Variants in PPARA observed in about 807,000 individuals in gnomAD.
The protein encoded by PPARA is peroxisome proliferator-activated receptor alpha.
Under a neutral mutation model 42.2 loss-of-function variants are expected in PPARA, and 22 were observed. The observed-to-expected ratio is 0.52, with a 90% CI of 0.37 to 0.74. PPARA has a LOEUF of 0.74. Among genes scored for constraint, PPARA ranks in the 30% least tolerant of loss-of-function variants. The pLI is 0.00. For synonymous variants in PPARA, 242 were observed against 239.3 expected (o/e 1.01, Z -0.10); for missense variants, 465 against 608.2 (o/e 0.76, Z 2.48).
rs1280951549 is a variant in PPARA, at chr22:46,191,810, G to A, written c.-42-6532G>A. ...AGGCCAGGCGCGGTGGCTCATGCCT[G>A]TAATCCCAGCACTTTGGGAGGCTGA... On this transcript the variant is annotated intron_variant, in intron 3 of 8. Transcript: ENST00000407236. This position sits in a 1 kb window ranked among gnomAD's most constrained non-coding sequence, Gnocchi z 4.6. Among the ~76,000 whole-genome samples the A allele has an allele frequency of 6.6e-6, 1 of 152,208 alleles. No homozygotes were observed. Among genetic ancestry groups the A allele is most frequent in the Non-Finnish European group, 1.5e-5 (1 of 68,038 alleles).
chr22:46,181,339 C>T (rs186009892), intron 3 of PPARA, among the ~76,000 whole-genome samples: 26 of 152,178 alleles, frequency 1.7e-4, no homozygotes, highest in African/African-American at 6.3e-4. Flanking sequence ...AGAACCAGGG[C>T]ATCACATACA....
At position 46,241,117 on chromosome 22, in the gene PPARA, G is replaced by A. The variant is rs1371452213; in HGVS notation, c.*5737G>A. 1.3e-5 allele frequency: 2 copies of A among 152,264 alleles called. No individual in the cohort carries two copies. Among genetic ancestry groups the A allele is most frequent in the African/African-American group, 4.8e-5 (2 of 41,464 alleles). 9.4% of individuals were successfully genotyped at this position (152,264 alleles called of 1,614,324 possible). A position where few individuals can be genotyped will look rare whatever the true frequency, so the allele number is the denominator to read the frequency against. ...CATCCCGTGACCTTCCTGCTTCCGA[G>A]TCCATGGCCTTTGCCCAGGGCATGT... On this transcript the variant is annotated 3_prime_UTR_variant, in exon 9 of 9. Coordinates refer to ENST00000407236, the MANE Select transcript of PPARA (RefSeq NM_005036.6). This position sits in a 1 kb window ranked among gnomAD's most constrained non-coding sequence, Gnocchi z 5.7.
rs1459006092 is a variant in PPARA at position 46,162,334 on chromosome 22, C to T, written c.-127+10364C>T. Among the ~76,000 whole-genome samples the T allele has an allele frequency of 6.6e-6, 1 of 152,246 alleles. No homozygotes were observed. The highest frequency in any genetic ancestry group is 1.5e-5 in the Non-Finnish European group (1 of 68,022). On this transcript the variant is annotated intron_variant, in intron 2 of 8. Transcript: ENST00000407236. The surrounding 1 kb of genome is among the most constrained non-coding windows in gnomAD (Gnocchi z 6.0). ...GGTTGATAGGAGGGCATGGCCCTGA[C>T]ATTCCAGGGACTGACCGACACGCTG...
At chr22:46,181,924 A>G (rs534956389) in intron 3 of PPARA, among the ~76,000 whole-genome samples, 7 of 152,366 alleles carry the variant, frequency 4.6e-5, no homozygotes, top group Non-Finnish European at 1.0e-4. Context: ...GACCTGTTCT[A>G]CTTCACTGGG....
chr22:46,178,254 G>A (rs1378084953), intron 3 of PPARA, among the ~76,000 whole-genome samples: 1 of 152,246 alleles, frequency 6.6e-6, no homozygotes, highest in Non-Finnish European at 1.5e-5. Flanking sequence ...TATACTGGCT[G>A]TGGCCTTGTA....
At position 46,212,475 on chromosome 22, in the gene PPARA, T is replaced by C. The variant is rs1934035245; in HGVS notation, c.209-2698T>C. ...GAAATGGTTCTTTTTACCATTGCTA[T>C]AATTTTGCCTTTTCCAGAACGCCAT... On this transcript the variant is annotated intron_variant, in intron 4 of 8. Transcript: ENST00000407236. This position sits in a 1 kb window ranked among gnomAD's most constrained non-coding sequence, Gnocchi z 4.2. Among the ~76,000 whole-genome samples, 1 of 152,234 alleles carries C rather than the reference T, an allele frequency of 6.6e-6. No individual in the cohort carries two copies. Among genetic ancestry groups the C allele is most frequent in the South Asian group, 2.1e-4 (1 of 4,828 alleles).
At chr22:46,154,407 C>G (rs1167657582) in intron 2 of PPARA, among the ~76,000 whole-genome samples, 1 of 152,072 alleles carries the variant, frequency 6.6e-6, no homozygotes, top group Non-Finnish European at 1.5e-5. Flanking sequence ...TGCTTGAGCC[C>G]AGGGCTTCAA....
At chr22:46,174,583 G>A (rs919009804) in intron 2 of PPARA, among the ~76,000 whole-genome samples, 4 of 152,052 alleles carry the variant, frequency 2.6e-5, no homozygotes, top group Admixed American at 6.6e-5. Flanking sequence ...TTGGGAAGCC[G>A]AGGTGGGAGG....
chr22:46,203,444 T>C lies in PPARA; in HGVS notation c.208+4853T>C, dbSNP rs1039559964. ...CATAATTGACATACAATAAACTGCA[T>C]GTATTTAAAGTGTACAATCTGTTGG... On this transcript the variant is annotated intron_variant, in intron 4 of 8. Transcript: ENST00000407236. The surrounding 1 kb of genome is among the most constrained non-coding windows in gnomAD (Gnocchi z 5.8). Among the ~76,000 whole-genome samples, 1 of 152,188 alleles carries C rather than the reference T, an allele frequency of 6.6e-6. No homozygotes were observed. Among genetic ancestry groups the C allele is most frequent in the Non-Finnish European group, 1.5e-5 (1 of 68,040 alleles).
Position 46,238,913 on chromosome 22 carries a change from G to A in PPARA, c.*3533G>A, listed in dbSNP as rs1471490381. The A allele has an allele frequency of 1.3e-5, 2 of 152,466 alleles. No individual in the cohort carries two copies. The highest frequency in any genetic ancestry group is 4.8e-5 in the African/African-American group (2 of 41,452). The allele number at this position is 152,466 out of a possible 1,614,324, so 9.4% of individuals were successfully genotyped here. ...GGCAGGAGCGGGACTGGGAGCACGGGCTGACGGCTGCTGGTGCCTTTCTTC... is the reference window on the plus strand; with the variant it reads ...GGCAGGAGCGGGACTGGGAGCACGGACTGACGGCTGCTGGTGCCTTTCTTC... On this transcript the variant is annotated 3_prime_UTR_variant, in exon 9 of 9. Coordinates refer to ENST00000407236, the MANE Select transcript of PPARA (RefSeq NM_005036.6). This position sits in a 1 kb window ranked among gnomAD's most constrained non-coding sequence, Gnocchi z 8.3.
In PPARA at chr22:46,219,886, A is replaced by G; in HGVS notation, c.583A>G (p.Ile195Val). The G allele has an allele frequency of 6.2e-7, 1 of 1,614,250 alleles. No individual in the cohort carries two copies. Among genetic ancestry groups the G allele is most frequent in the South Asian group, 1.1e-5 (1 of 91,082 alleles). The change falls in exon 7 of 9, where the codon ATA (isoleucine) becomes GTA (valine). Residue 195 changes from isoleucine to valine, a missense_variant. Ile to Val is a conservative substitution (Grantham distance 29). This residue lies in a region of PPARA where 313 missense variants were observed against 469.1 expected (regional missense o/e 0.67). Transcript: ENST00000407236. The surrounding 1 kb of genome is among the most constrained non-coding windows in gnomAD (Gnocchi z 4.8). ...AGAAATTCTTACCTGTGAACATGACATAGAAGATTCTGAAACTGCAGATCT... is the reference window on the plus strand; with the variant it reads ...AGAAATTCTTACCTGTGAACATGACGTAGAAGATTCTGAAACTGCAGATCT... ...KAEILTCEHD[I>V]EDSETADLKS...
intron 3 of PPARA, among the ~76,000 whole-genome samples, chr22:46,179,695 A>G (rs939025063): frequency 1.3e-5 from 2 of 152,256 alleles, no homozygotes; most frequent in African/African-American, 4.8e-5. Flanking sequence ...ACAATCTATG[A>G]AAGAAAAAAA....
intron 2 of PPARA, among the ~76,000 whole-genome samples, chr22:46,166,287 G>A (rs182584912): frequency 2.0e-5 from 3 of 152,178 alleles, no homozygotes; most frequent in Non-Finnish European, 4.4e-5. Context: ...TCTACTCTTT[G>A]TCTCTCAGTG....
rs1252835232 is a variant in PPARA, at chr22:46,216,249, G to T, written c.369+916G>T. Among the ~76,000 whole-genome samples, 1 of 152,038 alleles carries T rather than the reference G, an allele frequency of 6.6e-6. No individual in the cohort carries two copies. The highest frequency in any genetic ancestry group is 1.5e-5 in the Non-Finnish European group (1 of 68,002). ...AATACAAAAATTAGCCAGGTGTGGT[G>T]GTGGGTGCCTGTAATCCCAGCTACT... On this transcript the variant is annotated intron_variant, in intron 5 of 8. Transcript: ENST00000407236. The surrounding 1 kb of genome is among the most constrained non-coding windows in gnomAD (Gnocchi z 4.5).
In PPARA at chr22:46,216,071, G is replaced by T. The variant is rs1216135490; in HGVS notation, c.369+738G>T. On this transcript the variant is annotated intron_variant, in intron 5 of 8. Transcript: ENST00000407236. The surrounding 1 kb of genome is among the most constrained non-coding windows in gnomAD (Gnocchi z 4.5). ...GTGCTTTGTAAATACTTAGAGAAGT[G>T]CATTCTTTAAAAGAAAATAAGTCAC... Among the ~76,000 whole-genome samples, 1 of 152,156 alleles carries T rather than the reference G, an allele frequency of 6.6e-6. No individual in the cohort carries two copies. The highest frequency in any genetic ancestry group is 1.5e-5 in the Non-Finnish European group (1 of 68,038).
rs1027436004 is a variant in PPARA, at chr22:46,162,774, C to A, written c.-127+10804C>A. 1.3e-5 allele frequency among the ~76,000 whole-genome samples: 2 copies of A among 152,192 alleles called. No individual in the cohort carries two copies. Among genetic ancestry groups the A allele is most frequent in the Non-Finnish European group, 2.9e-5 (2 of 68,046 alleles). The stretch of plus-strand genomic sequence containing the variant: ...TTTAAATGCCACCTCCTTCCTGAAG[C>A]CTTCCTTGCTGCTCCCCCAAACTAG... On this transcript the variant is annotated intron_variant, in intron 2 of 8. Coordinates refer to ENST00000407236, the MANE Select transcript of PPARA (RefSeq NM_005036.6). This position sits in a 1 kb window ranked among gnomAD's most constrained non-coding sequence, Gnocchi z 6.0.
At position 46,231,753 on chromosome 22, in the gene PPARA, C is replaced by A; in HGVS notation, c.712-39C>A. 6.3e-7 allele frequency: 1 copy of A among 1,593,094 alleles called. No individual in the cohort carries two copies. The highest frequency in any genetic ancestry group is 1.7e-5 in the Admixed American group (1 of 59,106). On this transcript the variant is annotated intron_variant, in intron 7 of 8. Transcript: ENST00000407236. The surrounding 1 kb of genome is among the most constrained non-coding windows in gnomAD (Gnocchi z 7.7). Reference sequence around the variant, plus strand: ...GCTGATAGCTGGGAGCATAGCGCATCCCACATCACCTGACTTACCTTGGTG... The same window carrying A: ...GCTGATAGCTGGGAGCATAGCGCATACCACATCACCTGACTTACCTTGGTG...
Position 46,240,287 on chromosome 22 carries a change from A to G in PPARA, c.*4907A>G. On this transcript the variant is annotated 3_prime_UTR_variant, in exon 9 of 9. Coordinates refer to ENST00000407236, the MANE Select transcript of PPARA (RefSeq NM_005036.6). This position sits in a 1 kb window ranked among gnomAD's most constrained non-coding sequence, Gnocchi z 6.0. ...TCAGCCTCCATTTTAAAATGAAAAC[A>G]CCAGCCTCCAGATGTAGGGCCTGCT... 5.0e-6 allele frequency: 2 copies of G among 398,602 alleles called. No homozygotes were observed. Among genetic ancestry groups the G allele is most frequent in the Non-Finnish European group, 8.8e-6 (2 of 226,066 alleles). 24.7% of individuals were successfully genotyped at this position (398,602 alleles called of 1,614,324 possible).
At chr22:46,207,677 ATTTTTTTTTTTTTTT>A (rs764662561) in intron 4 of PPARA, among the ~76,000 whole-genome samples, 1 of 50,724 alleles carries the variant, frequency 2.0e-5, no homozygotes, top group African/African-American at 8.4e-5. Flanking sequence ...TATTATTATT[ATTTTTTTTTTTTTTT>A]TTTTTTTTAG....
Sources: allele counts gnomAD v4.1 joint callset (sites outside exome capture counted in the v4.1 genomes callset), GRCh38; gene constraint gnomAD v4.1.1; regional missense constraint gnomAD v4.1.1; non-coding constraint Gnocchi (gnomAD v3.1); transcripts MANE v1.5; gene names NCBI Gene and HGNC (gene_info 2026-07-23, HGNC 2026-07-21).